The following C6orf118 variants were observed in gnomAD, a reference collection of about 807,000 sequenced individuals.
C6orf118 encodes chromosome 6 open reading frame 118.
Under a neutral mutation model 50.2 loss-of-function variants are expected in C6orf118, and 50 were observed. That is an observed-to-expected ratio of 1.00 (90% confidence interval 0.79 to 1.26). The LOEUF (loss-of-function observed/expected upper bound fraction) is 1.26, where lower values mean the gene tolerates loss of function less well. C6orf118 is among the 50% of genes most tolerant of loss of function. The pLI is 0.00. For missense variants in C6orf118, 641 were observed against 578.7 expected (o/e 1.11, Z -1.10); for synonymous variants, 239 against 230.9 (o/e 1.03, Z -0.32).
chr6:165,300,621 G>A (rs1050412897), intron 2 of C6orf118, 135 bp from the exon 3 acceptor site: 9 of 692,402 alleles, frequency 1.3e-5, no homozygotes, highest in Non-Finnish European at 1.4e-5. Flanking sequence ...GGCCAGTCTC[G>A]GGGGTTCTGA....
At chr6:165,307,944 G>A (rs998150455) in intron 1 of C6orf118, among the ~76,000 whole-genome samples, 51 of 152,308 alleles carry the variant, frequency 3.3e-4, no homozygotes, top group African/African-American at 1.2e-3. Flanking sequence ...AGACTCCACT[G>A]AGATTGCAAT....
chr6:165,282,643 A>G (rs1582998151), intron 7 of C6orf118, among the ~76,000 whole-genome samples: 1 of 72,426 alleles, frequency 1.4e-5, no homozygotes, highest in South Asian at 6.0e-4. Context: ...CAATACATTC[A>G]GCTCTTTTTT....
At chr6:165,288,534 C>T (rs563168524) in intron 7 of C6orf118, among the ~76,000 whole-genome samples, 1 of 152,092 alleles carries the variant, frequency 6.6e-6, no homozygotes, top group Non-Finnish European at 1.5e-5. Context: ...GGAATGAACC[C>T]AAATGCCCAT....
At chr6:165,303,241 G>A (rs908029692) in intron 1 of C6orf118, among the ~76,000 whole-genome samples, 5 of 152,172 alleles carry the variant, frequency 3.3e-5, no homozygotes, top group African/African-American at 7.2e-5. Context: ...CTAGAGAATC[G>A]CCGCTGTTGA....
Position 165,309,576 on chromosome 6 carries a change from T to C in C6orf118, c.11A>G (p.Glu4Gly). The C allele has an allele frequency of 6.2e-7, 1 of 1,614,140 alleles. No homozygotes were observed. Among genetic ancestry groups the C allele is most frequent in the Non-Finnish European group, 8.5e-7 (1 of 1,180,028 alleles). MAEEREPELYLKWK... is the reference protein window; with the variant it reads MAEGREPELYLKWK... ...AGGCCACTTACATTCAGGCTCCCGC[T>C]CCTCCGCCATCGCTTCCTTCCCTCC... The change falls in exon 1 of 9, where the codon GAG (glutamate) becomes GGG (glycine). Residue 4 changes from glutamate (E) to glycine (G), a missense_variant. Physicochemically the swap from Glu to Gly is moderately conservative, Grantham distance 98. Coordinates refer to ENST00000230301, the MANE Select transcript of C6orf118 (RefSeq NM_144980.4).
chr6:165,296,651 T>C (rs1469697547), intron 5 of C6orf118, among the ~76,000 whole-genome samples: 1 of 152,148 alleles, frequency 6.6e-6, no homozygotes, highest in Non-Finnish European at 1.5e-5. Flanking sequence ...AAAGACTTGG[T>C]CCATCGGTCC....
Position 165,301,998 on chromosome 6 carries a change from G to A in C6orf118, c.324C>T (p.Ala108=). 1 of 1,613,586 alleles carries A rather than the reference G, an allele frequency of 6.2e-7. No individual in the cohort carries two copies. Among genetic ancestry groups the A allele is most frequent in the Non-Finnish European group, 8.5e-7 (1 of 1,179,948 alleles). ...CCGTGTGGATGGTGAAGTGGGCCAG[G>A]GCCTCCTTCATCCTCGCCACCTTCC... ...PAGKVARMKE[A]LAHFTIHTAL... Residue 108 remains alanine, a synonymous_variant, in exon 2 of 9, where the codon GCC becomes GCT. Coordinates refer to ENST00000230301, the MANE Select transcript of C6orf118 (RefSeq NM_144980.4).
At chr6:165,283,795 G>T (rs1779816506) in intron 7 of C6orf118, among the ~76,000 whole-genome samples, 1 of 152,122 alleles carries the variant, frequency 6.6e-6, no homozygotes, top group South Asian at 2.1e-4. Flanking sequence ...ATCAACAAAT[G>T]AGACCTCACC....
intron 8 of C6orf118, chr6:165,281,335 A>G (rs1011673671): frequency 8.6e-6 from 2 of 231,526 alleles, no homozygotes; most frequent in African/African-American, 4.6e-5. Flanking sequence ...CAAAGCACAG[A>G]AAAGAATGCA....
intron 6 of C6orf118, among the ~76,000 whole-genome samples, chr6:165,292,480 A>G (rs747420951): frequency 4.6e-5 from 7 of 152,200 alleles, no homozygotes; most frequent in Non-Finnish European, 7.3e-5. Flanking sequence ...TTTTTTTATT[A>G]GTGGCTAGCA....
chr6:165,282,424 G>C (rs1779759298), intron 7 of C6orf118, among the ~76,000 whole-genome samples: 4 of 151,894 alleles, frequency 2.6e-5, no homozygotes, highest in African/African-American at 7.3e-5. Context: ...GGCTGCATGG[G>C]GTATCATTAA....
Position 165,290,047 on chromosome 6 carries a change from TTA to T in C6orf118, c.1139_1140del (p.Ile380AsnfsTer2). 1 of 1,599,080 alleles carries T rather than the reference TTA, an allele frequency of 6.3e-7. No homozygotes were observed. Among genetic ancestry groups the T allele is most frequent in the South Asian group, 1.1e-5 (1 of 87,832 alleles). On this transcript the variant is annotated frameshift_variant, in exon 7 of 9. Coordinates refer to ENST00000230301, the MANE Select transcript of C6orf118 (RefSeq NM_144980.4). LOFTEE classifies it high-confidence loss of function. ...GTAAGAGTAAGTCGGTTTTCATCAA[TTA>T]TATGTTTCTCAGATGATTCTGGAAA... ...KERSESSEKH[I>X]IDENRLTLTE...
intron 7 of C6orf118, among the ~76,000 whole-genome samples, chr6:165,287,180 T>C (rs1004213773): frequency 2.0e-5 from 3 of 152,072 alleles, no homozygotes; most frequent in Admixed American, 6.5e-5. Flanking sequence ...CCATTCACAA[T>C]TGCCATAAAG....
intron 2 of C6orf118, 148 bp downstream of exon 2, chr6:165,301,421 G>C: frequency 9.1e-7 from 1 of 1,099,574 alleles, no homozygotes; most frequent in Non-Finnish European, 1.3e-6. Flanking sequence ...TGCACCGCGA[G>C]GTCTGCACCG....
Position 165,289,964 on chromosome 6 carries a change from A to T in C6orf118, c.1224T>A (p.Ala408=). ...AAGTTGTTTTAATTTCTTTTTCCAG[A>T]GCTTGTATCTCATCCCACTTACTGA... The part of the protein sequence containing the change: ...EILSKWDEIQ[A]LEKEIKTTLV... Residue 408 remains alanine (A), a synonymous_variant, in exon 7 of 9, where the codon GCT becomes GCA. Transcript: ENST00000230301. The T allele has an allele frequency of 6.2e-7, 1 of 1,610,716 alleles. No individual in the cohort carries two copies. Among genetic ancestry groups the T allele is most frequent in the Non-Finnish European group, 8.5e-7 (1 of 1,178,184 alleles).
In C6orf118 at chr6:165,301,941, C is replaced by A. The variant is rs202048007; in HGVS notation, c.381G>T (p.Pro127=). Residue 127 remains proline, a synonymous_variant, in exon 2 of 9, where the codon CCG becomes CCT. Transcript: ENST00000230301. The stretch of plus-strand genomic sequence containing the variant: ...CCTGGGGGTTCAGGTACCTGAACAG[C>A]GGGGTGTCCTGGGCCTCACTGGGGA... The part of the protein sequence containing the change: ...ALVPSEAQDT[P]LFRYLNPQAS... 6 of 1,613,678 alleles carry A rather than the reference C, an allele frequency of 3.7e-6. No individual in the cohort carries two copies. Among genetic ancestry groups the A allele is most frequent in the Non-Finnish European group, 5.1e-6 (6 of 1,179,996 alleles).
intron 6 of C6orf118, among the ~76,000 whole-genome samples, chr6:165,292,078 G>C (rs913987612): frequency 6.6e-6 from 1 of 152,168 alleles, no homozygotes; most frequent in African/African-American, 2.4e-5. Context: ...CAAACTGAAA[G>C]AAACTACAAA....
intron 1 of C6orf118, among the ~76,000 whole-genome samples, 162 bp downstream of exon 1, chr6:165,309,400 C>T (rs962876057): frequency 3.9e-5 from 6 of 152,272 alleles, no homozygotes; most frequent in Admixed American, 1.3e-4. Flanking sequence ...GAGGAGGCAG[C>T]ACAACCCCAA....
At chr6:165,288,494 T>C (rs1283398544) in intron 7 of C6orf118, among the ~76,000 whole-genome samples, 1 of 152,212 alleles carries the variant, frequency 6.6e-6, no homozygotes, top group Non-Finnish European at 1.5e-5. Flanking sequence ...TATATGTCCA[T>C]TGCAGAACTA....
Sources: gnomAD v4.1 joint callset for allele counts (sites outside exome capture counted in the v4.1 genomes callset) on GRCh38, gnomAD v4.1.1 for gene constraint, MANE v1.5 for transcripts, NCBI Gene and HGNC (gene_info 2026-07-23, HGNC 2026-07-21) for gene names.